The following AUNIP variants were observed in gnomAD, a reference collection of about 807,000 sequenced individuals.
The protein encoded by AUNIP is aurora kinase A- and ninein-interacting protein.
Under a neutral mutation model 12.2 loss-of-function variants are expected in AUNIP, and 16 were observed. The ratio of observed to expected loss-of-function variants is 1.31; its 90% confidence interval spans 0.88 to 1.99. The LOEUF (loss-of-function observed/expected upper bound fraction) is 1.99, where lower values mean the gene tolerates loss of function less well. Ranked by LOEUF, AUNIP falls within the 30% of genes most tolerant of loss-of-function variation. AUNIP has a pLI of 0.00. For missense variants in AUNIP, 411 were observed against 419.1 expected (o/e 0.98, Z 0.17); for synonymous variants, 142 against 154.8 (o/e 0.92, Z 0.61).
At chr1:25,832,299 G>T, downstream of AUNIP, 1 of 973,592 alleles carries the variant, frequency 1.0e-6, no homozygotes, top group Non-Finnish European at 1.5e-6. Context: ...GAGAGAAGTT[G>T]TTTCTGGTTT....
intron 1 of AUNIP, among the ~76,000 whole-genome samples, chr1:25,854,120 G>T (rs1249773566): frequency 1.3e-5 from 2 of 152,180 alleles, no homozygotes; most frequent in African/African-American, 4.8e-5. Flanking sequence ...TGAGGCAGGA[G>T]AACTGCTTCA....
downstream of AUNIP, chr1:25,832,402 G>GTCAC: frequency 2.3e-6 from 1 of 443,870 alleles, no homozygotes; most frequent in Non-Finnish European, 3.8e-6. Context: ...GTGCCCAGCT[G>GTCAC]TCACTCACTC....
In AUNIP at chr1:25,834,924, C is replaced by A; in HGVS notation, c.*69G>T. The stretch of plus-strand genomic sequence containing the variant: ...CACCTAAACAAACTCACTCCTCTCT[C>A]CACCCACAACTATATTTTCCTACAT... On this transcript the variant is annotated 3_prime_UTR_variant, in exon 3 of 3. Transcript: ENST00000374298. 1 of 1,536,986 alleles carries A rather than the reference C, an allele frequency of 6.5e-7. No individual in the cohort carries two copies. Among genetic ancestry groups the A allele is most frequent in the Non-Finnish European group, 8.7e-7 (1 of 1,146,114 alleles).
rs201139324 is a variant in AUNIP at position 25,835,821 on chromosome 1, C to A, written c.246G>T (p.Lys82Asn). ...GACTTTCTGTATGAGATGAAACACT[C>A]TTCTGGTCACTGCCATTTGTCTTTC... Reference protein sequence around the residue: ...QPGKTNGSDQKSVSSHTESQI... With the variant: ...QPGKTNGSDQNSVSSHTESQI... The change falls in exon 3 of 3, where the codon AAG (lysine) becomes AAT (asparagine). Residue 82 changes from lysine (K) to asparagine (N), a missense_variant. Physicochemically the swap from Lys to Asn is moderately conservative, Grantham distance 94. Transcript: ENST00000374298. The A allele has an allele frequency of 3.1e-6, 5 of 1,613,788 alleles. No individual in the cohort carries two copies. The East Asian group carries it at 1.1e-4, about 36-fold the overall frequency.
chr1:25,843,115 T>A (rs1253084794), intron 1 of AUNIP, among the ~76,000 whole-genome samples: 1 of 149,158 alleles, frequency 6.7e-6, no homozygotes, highest in African/African-American at 2.5e-5. Context: ...CAGGCTGGAG[T>A]GTAGTGAGCC....
intron 1 of AUNIP, among the ~76,000 whole-genome samples, chr1:25,849,229 T>C (rs2048408635): frequency 6.6e-6 from 1 of 152,196 alleles, no homozygotes. Flanking sequence ...CCACAAAGCG[T>C]CTTTCTTTTC....
At chr1:25,833,937 A>G, downstream of AUNIP, 1 of 792,894 alleles carries the variant, frequency 1.3e-6, no homozygotes, top group South Asian at 5.7e-5. Flanking sequence ...ATGACAGCAT[A>G]TACTATTACA....
intron 1 of AUNIP, among the ~76,000 whole-genome samples, chr1:25,840,354 A>C (rs1171620879): frequency 6.6e-6 from 1 of 152,188 alleles, no homozygotes; most frequent in Non-Finnish European, 1.5e-5. Context: ...AATAACTGAA[A>C]AGGAAGAAGC....
At chr1:25,844,688 T>C (rs184834618) in intron 1 of AUNIP, among the ~76,000 whole-genome samples, 10 of 152,258 alleles carry the variant, frequency 6.6e-5, no homozygotes, top group African/African-American at 2.4e-4. Flanking sequence ...ACTCTGGTCT[T>C]AAATTTGTAT....
intron 1 of AUNIP, among the ~76,000 whole-genome samples, chr1:25,841,513 G>A (rs213631): frequency 0.25 from 38,437 of 151,258 alleles, 5,711 homozygotes; most frequent in African/African-American, 0.4. Flanking sequence ...TTTCATTATT[G>A]TATCTGTGAT....
At chr1:25,832,258 G>T, downstream of AUNIP, 1 of 1,240,270 alleles carries the variant, frequency 8.1e-7, no homozygotes, top group Middle Eastern at 1.9e-4. Flanking sequence ...AGGTAATCGT[G>T]TAGAATGAAG....
intron 1 of AUNIP, among the ~76,000 whole-genome samples, chr1:25,857,286 C>G (rs946537384): frequency 6.7e-6 from 1 of 148,602 alleles, no homozygotes; most frequent in African/African-American, 2.5e-5. Flanking sequence ...TCTTCTGTCA[C>G]CCAGGCTGGA....
chr1:25,851,593 C>A (rs796943000), intron 1 of AUNIP, among the ~76,000 whole-genome samples: 3 of 152,154 alleles, frequency 2.0e-5, no homozygotes, highest in Non-Finnish European at 4.4e-5. Context: ...CAGAAGTAAA[C>A]CCTTACATTT....
intron 1 of AUNIP, among the ~76,000 whole-genome samples, chr1:25,857,333 C>T (rs1315462582): frequency 6.6e-6 from 1 of 150,602 alleles, no homozygotes; most frequent in Non-Finnish European, 1.5e-5. Context: ...GCAACCTCCA[C>T]CTCCTGGGTT....
At chr1:25,856,285 A>C (rs976731248) in intron 1 of AUNIP, among the ~76,000 whole-genome samples, 6 of 151,898 alleles carry the variant, frequency 4.0e-5, no homozygotes, top group African/African-American at 1.5e-4. Context: ...AATCGCTTGA[A>C]TCTGGGAGGC....
At chr1:25,832,183 T>C (rs2048253895), downstream of AUNIP, 3 of 1,541,086 alleles carry the variant, frequency 1.9e-6, no homozygotes, top group Non-Finnish European at 2.6e-6. Flanking sequence ...CTGGATTATA[T>C]ATTTCCCAGA....
At chr1:25,833,169 G>T (rs1217801357), downstream of AUNIP, among the ~76,000 whole-genome samples, 3 of 151,970 alleles carry the variant, frequency 2.0e-5, no homozygotes, top group Non-Finnish European at 1.5e-5. Flanking sequence ...CCGGAGTGCA[G>T]TGGTGGGATC....
intron 1 of AUNIP, among the ~76,000 whole-genome samples, chr1:25,843,162 G>A (rs2048356964): frequency 1.6e-5 from 2 of 128,642 alleles, no homozygotes; most frequent in Non-Finnish European, 1.6e-5. Context: ...GGGTGACAGA[G>A]ACCCCATCTC....
intron 1 of AUNIP, among the ~76,000 whole-genome samples, chr1:25,845,404 A>G (rs2048374831): frequency 2.6e-5 from 4 of 152,204 alleles, no homozygotes; most frequent in Non-Finnish European, 5.9e-5. Flanking sequence ...ATCCCATAAC[A>G]TAATACTGAA....
Sources: allele counts gnomAD v4.1 joint callset (sites outside exome capture counted in the v4.1 genomes callset), GRCh38; gene constraint gnomAD v4.1.1; transcripts MANE v1.5; gene names NCBI Gene and HGNC (gene_info 2026-07-23, HGNC 2026-07-21).